Variants in SH3TC2 observed in about 807,000 individuals in gnomAD.
SH3TC2 encodes SH3 domain and tetratricopeptide repeat-containing protein 2.
A neutral mutation model predicts 124.5 loss-of-function variants in SH3TC2; 87 were observed. That is an observed-to-expected ratio of 0.70 (90% CI 0.59 to 0.84). The LOEUF is 0.84. Among genes scored for constraint, SH3TC2 ranks in the 40% least tolerant of loss-of-function variants. SH3TC2 has a pLI of 0.00. For missense variants in SH3TC2, 1,536 were observed against 1,566.4 expected (o/e 0.98, Z 0.33); for synonymous variants, 634 against 628.5 (o/e 1.01, Z -0.13).
intron 1 of SH3TC2, among the ~76,000 whole-genome samples, chr5:149,061,910 G>C (rs1754757201): frequency 6.6e-6 from 1 of 152,026 alleles, no homozygotes; most frequent in Admixed American, 6.6e-5. Flanking sequence ...ATCATTTGGG[G>C]GGACACTCCC....
chr5:149,017,363 G>A (rs539480612), intron 12 of SH3TC2, among the ~76,000 whole-genome samples: 7 of 152,278 alleles, frequency 4.6e-5, no homozygotes, highest in African/African-American at 1.4e-4. Flanking sequence ...CTCCCATTGA[G>A]AGACTGCAAA....
intron 12 of SH3TC2, among the ~76,000 whole-genome samples, chr5:149,016,826 GA>G (rs777884681): frequency 9.6e-4 from 146 of 151,582 alleles, no homozygotes; most frequent in Middle Eastern, 3.4e-3. Flanking sequence ...TTGGGAGGCT[GA>G]GGCAGGAGAA....
At position 149,027,169 on chromosome 5, in the gene SH3TC2, C is replaced by G; in HGVS notation, c.2563G>C (p.Ala855Pro). The G allele has an allele frequency of 6.2e-7, 1 of 1,614,198 alleles. No individual in the cohort carries two copies. Among genetic ancestry groups the G allele is most frequent in the Non-Finnish European group, 8.5e-7 (1 of 1,180,052 alleles). Residue 855 changes from alanine to proline, a missense_variant, in exon 11 of 17, where the codon GCA becomes CCA. Ala to Pro is a conservative substitution (Grantham distance 27, BLOSUM62 -1). Transcript: ENST00000515425. ...ALQGEGRVNR[A>P]AKSYLRALNR... ...AAGGCCCGAAGATAGCTCTTGGCTGCCCTGTTCACCCGGCCTTCACCTTGG... is the reference window on the plus strand; with the variant it reads ...AAGGCCCGAAGATAGCTCTTGGCTGGCCTGTTCACCCGGCCTTCACCTTGG...
At chr5:149,047,278 T>G (rs1428808457) in intron 3 of SH3TC2, 1 of 154,490 alleles carries the variant, frequency 6.5e-6, no homozygotes, top group Non-Finnish European at 1.4e-5. Context: ...TATTGTTTTT[T>G]GATTGGCAAT....
Position 149,004,842 on chromosome 5 carries a change from C to T in SH3TC2, c.3736G>A (p.Asp1246Asn), listed in dbSNP as rs753142542. Residue 1246 changes from aspartate to asparagine, a missense_variant, in exon 17 of 17, where the codon GAT (aspartate) becomes AAT (asparagine). Physicochemically the swap from Asp to Asn is conservative, Grantham distance 23. Around this residue, in one of 3 missense-constraint regions of SH3TC2, gnomAD observed 426 missense variants for 443.5 expected, o/e 0.96. Coordinates refer to ENST00000515425, the MANE Select transcript of SH3TC2 (RefSeq NM_024577.4). ...CTAATGGTGTCCTGAAGCTCCTCAT[C>T]ACCCAGCAGGACCGCTGCTGCCAGG... Reference protein sequence around the residue: ...LALAAAVLLGDEELQDTIRSR... With the variant: ...LALAAAVLLGNEELQDTIRSR... 43 of 1,614,082 alleles carry T rather than the reference C, an allele frequency of 2.7e-5. No individual in the cohort carries two copies. The highest frequency in any genetic ancestry group is 3.2e-5 in the Non-Finnish European group (38 of 1,180,048).
rs938183364 is a variant in SH3TC2, at chr5:148,984,278, C to A, written c.*20433G>T. On this transcript the variant is annotated 3_prime_UTR_variant, in exon 17 of 17. Coordinates refer to ENST00000515425, the MANE Select transcript of SH3TC2 (RefSeq NM_024577.4). Reference sequence around the variant, plus strand: ...TTCAAGTGTCCTGTCTTTGAGTTCACTTATTCTTTCTTCTGCTTAATTGAA... The same window carrying A: ...TTCAAGTGTCCTGTCTTTGAGTTCAATTATTCTTTCTTCTGCTTAATTGAA... Among the ~76,000 whole-genome samples, 10 of 151,994 alleles carry A rather than the reference C, an allele frequency of 6.6e-5. No homozygotes were observed. Among genetic ancestry groups the A allele is most frequent in the Admixed American group, 5.9e-4 (9 of 15,268 alleles).
intron 11 of SH3TC2, 48 bp downstream of exon 11, chr5:149,026,812 A>T: frequency 1.2e-6 from 2 of 1,614,154 alleles, no homozygotes; most frequent in Non-Finnish European, 1.7e-6. Flanking sequence ...ATAAAACTTG[A>T]TCCAACACTT....
chr5:149,052,731 C>G (rs772483935), intron 1 of SH3TC2, among the ~76,000 whole-genome samples: 2 of 152,144 alleles, frequency 1.3e-5, no homozygotes, highest in Non-Finnish European at 2.9e-5. Context: ...TCCTGTCAGG[C>G]CTGTCTTTCT....
rs1346163846 is a variant in SH3TC2 at position 148,997,897 on chromosome 5, C to T, written c.*6814G>A. Among the ~76,000 whole-genome samples the T allele has an allele frequency of 6.6e-6, 1 of 152,176 alleles. No homozygotes were observed. The highest frequency in any genetic ancestry group is 1.5e-5 in the Non-Finnish European group (1 of 68,036). ...TGCATGAGACTTAATGCATAAAACACATTAACCTCAACTGTTATTTTTATT... is the reference window on the plus strand; with the variant it reads ...TGCATGAGACTTAATGCATAAAACATATTAACCTCAACTGTTATTTTTATT... On this transcript the variant is annotated 3_prime_UTR_variant, in exon 17 of 17. Transcript: ENST00000515425.
At chr5:149,042,984 A>T (rs1754398279) in intron 4 of SH3TC2, 147 bp from the exon 5 acceptor site, 1 of 866,504 alleles carries the variant, frequency 1.2e-6, no homozygotes, top group Non-Finnish European at 1.9e-6. Flanking sequence ...ACAACATAAG[A>T]GGCAAAGCCA....
At chr5:149,044,481 T>C (rs1754424249) in intron 4 of SH3TC2, 52 bp downstream of exon 4, 2 of 1,382,308 alleles carry the variant, frequency 1.4e-6, no homozygotes, top group Non-Finnish European at 2.1e-6. Context: ...GCCCTACAAA[T>C]TGGCTAAATT....
At chr5:149,048,596 A>G (rs754287315) in intron 2 of SH3TC2, among the ~76,000 whole-genome samples, 1 of 152,224 alleles carries the variant, frequency 6.6e-6, no homozygotes, top group African/African-American at 2.4e-5. Flanking sequence ...TGTAACAGAT[A>G]CTTATCAAGA....
intron 12 of SH3TC2, among the ~76,000 whole-genome samples, chr5:149,018,306 A>G (rs146210753): frequency 1.3e-5 from 2 of 152,174 alleles, no homozygotes; most frequent in South Asian, 2.1e-4. Flanking sequence ...ACCAACCTCC[A>G]TATCTCCTTC....
intron 9 of SH3TC2, among the ~76,000 whole-genome samples, chr5:149,029,817 T>C (rs1222729373): frequency 1.3e-5 from 2 of 151,982 alleles, no homozygotes; most frequent in Non-Finnish European, 2.9e-5. Flanking sequence ...AGTGGAACTG[T>C]GGAGGTGAAG....
chr5:149,056,906 C>A (rs147855933), intron 1 of SH3TC2, among the ~76,000 whole-genome samples: 3 of 151,756 alleles, frequency 2.0e-5, no homozygotes, highest in Non-Finnish European at 4.4e-5. Context: ...AAATTACCTT[C>A]GAAAAAAATG....
At chr5:149,059,830 G>T (rs1371986576) in intron 1 of SH3TC2, among the ~76,000 whole-genome samples, 1 of 152,074 alleles carries the variant, frequency 6.6e-6, no homozygotes, top group Non-Finnish European at 1.5e-5. Flanking sequence ...ATATCCAGGG[G>T]CCCCTAAGTA....
chr5:149,030,151 G>A (rs546042002), intron 9 of SH3TC2, among the ~76,000 whole-genome samples: 1 of 152,298 alleles, frequency 6.6e-6, no homozygotes, highest in East Asian at 1.9e-4. Context: ...CCCCTCTTGG[G>A]CCACCTCTTC....
Position 149,047,949 on chromosome 5 carries a change from C to T in SH3TC2, c.192G>A (p.Arg64=), listed in dbSNP as rs571440448. 6.2e-7 allele frequency: 1 copy of T among 1,614,130 alleles called. No individual in the cohort carries two copies. Among genetic ancestry groups the T allele is most frequent in the Admixed American group, 1.7e-5 (1 of 60,016 alleles). The stretch of plus-strand genomic sequence containing the variant: ...CTTCCTGTAGGGGTCCATTTACACA[C>T]CTCCTGGAGCGGCTCTTTACACAGA... The part of the protein sequence containing the change: ...LSFCVKSRSR[R]CVNGPLQEAA... Residue 64 remains arginine, a synonymous_variant, in exon 3 of 17, where the codon AGG becomes AGA. Coordinates refer to ENST00000515425, the MANE Select transcript of SH3TC2 (RefSeq NM_024577.4).
intron 16 of SH3TC2, among the ~76,000 whole-genome samples, chr5:149,006,594 A>G (rs1301981059): frequency 2.6e-5 from 4 of 152,188 alleles, no homozygotes; most frequent in Non-Finnish European, 5.9e-5. Context: ...TGCCTGTAGT[A>G]TCTGACAGAT....
Sources: allele counts gnomAD v4.1 joint callset (sites outside exome capture counted in the v4.1 genomes callset), GRCh38; gene constraint gnomAD v4.1.1; regional missense constraint gnomAD v4.1.1; transcripts MANE v1.5; gene names NCBI Gene and HGNC (gene_info 2026-07-23, HGNC 2026-07-21).